SLCO5A1: variants seen among roughly 807,000 people sequenced by gnomAD.
The protein encoded by SLCO5A1 is organic anion transporter polypeptide-related protein 4.
Under a neutral mutation model 65.1 loss-of-function variants are expected in SLCO5A1, and 39 were observed. That is an observed-to-expected ratio of 0.60 (90% CI 0.46 to 0.78). The LOEUF (loss-of-function observed/expected upper bound fraction) is 0.78, where lower values mean the gene tolerates loss of function less well. Ranked by LOEUF, SLCO5A1 falls within the 30% of genes least tolerant of loss-of-function variation. The probability of loss-of-function intolerance (pLI) is 0.00; values close to 1 mark genes in which losing one functional copy is unlikely to be tolerated. For synonymous variants in SLCO5A1, 438 were observed against 415.7 expected, an observed-to-expected ratio of 1.05 and a Z score of -0.65; for missense variants, 1,029 against 1,069.4, an observed-to-expected ratio of 0.96 and a Z score of 0.53.
chr8:69,812,551 C>T (rs1235746473), intron 2 of SLCO5A1, among the ~76,000 whole-genome samples: 2 of 152,088 alleles, frequency 1.3e-5, no homozygotes, highest in Non-Finnish European at 2.9e-5. Context: ...AATAAGTGCC[C>T]CACCAGAATC....
chr8:69,746,274 A>G (rs981269251), intron 4 of SLCO5A1, among the ~76,000 whole-genome samples: 2 of 152,208 alleles, frequency 1.3e-5, no homozygotes, highest in Non-Finnish European at 2.9e-5. Context: ...ATTGCCAGGC[A>G]TTTATCTCAA....
intron 5 of SLCO5A1, among the ~76,000 whole-genome samples, chr8:69,711,867 A>C (rs573135443): frequency 2.0e-5 from 3 of 149,762 alleles, no homozygotes; most frequent in East Asian, 3.9e-4. Context: ...CATCATCATC[A>C]TCATTTTAAC....
intron 3 of SLCO5A1, among the ~76,000 whole-genome samples, chr8:69,756,033 A>C (rs1817528788): frequency 6.7e-6 from 1 of 150,332 alleles, no homozygotes; most frequent in Admixed American, 6.6e-5. Flanking sequence ...GGACCAATAT[A>C]GACTTTTTTT....
intron 9 of SLCO5A1, among the ~76,000 whole-genome samples, chr8:69,675,379 G>A (rs990900130): frequency 2.0e-5 from 3 of 151,862 alleles, no homozygotes; most frequent in South Asian, 2.1e-4. Context: ...GTTTCGTCAC[G>A]TTGGCCAGGC....
At chr8:69,700,114 G>A (rs757959393) in intron 6 of SLCO5A1, 3 of 152,154 alleles carry the variant, frequency 2.0e-5, no homozygotes, top group Non-Finnish European at 2.9e-5. Context: ...AAAGATGACA[G>A]CCAAAATAAA....
intron 5 of SLCO5A1, among the ~76,000 whole-genome samples, chr8:69,712,808 A>G (rs1025470705): frequency 1.3e-5 from 2 of 152,184 alleles, no homozygotes; most frequent in African/African-American, 4.8e-5. Flanking sequence ...TTCATTTTGA[A>G]CTTATTATAT....
At chr8:69,792,889 A>C (rs967983643) in intron 2 of SLCO5A1, among the ~76,000 whole-genome samples, 4 of 152,182 alleles carry the variant, frequency 2.6e-5, no homozygotes, top group Non-Finnish European at 5.9e-5. Context: ...TCTTTGGAAA[A>C]AAAATCATAG....
chr8:69,758,243 G>C (rs534676448), intron 3 of SLCO5A1, among the ~76,000 whole-genome samples: 5 of 152,208 alleles, frequency 3.3e-5, no homozygotes, highest in African/African-American at 1.2e-4. Flanking sequence ...CTGGAGTGCA[G>C]TGGCACGATC....
chr8:69,778,891 G>A (rs1046179108), intron 2 of SLCO5A1, among the ~76,000 whole-genome samples: 3 of 152,134 alleles, frequency 2.0e-5, no homozygotes, highest in Non-Finnish European at 4.4e-5. Flanking sequence ...TTTTCTATAA[G>A]ATTGATCTGC....
chr8:69,801,441 G>A (rs1819733195), intron 2 of SLCO5A1, among the ~76,000 whole-genome samples: 1 of 152,172 alleles, frequency 6.6e-6, no homozygotes, highest in African/African-American at 2.4e-5. Context: ...TTTCACCTGT[G>A]ATGAGACTTA....
chr8:69,820,718 G>A (rs150395422), intron 2 of SLCO5A1, among the ~76,000 whole-genome samples: 335 of 151,836 alleles, frequency 2.2e-3, no homozygotes, highest in African/African-American at 6.5e-3. Context: ...ATATTTTTCC[G>A]TACAATATTT....
intron 2 of SLCO5A1, among the ~76,000 whole-genome samples, chr8:69,830,812 C>T (rs947594524): frequency 7.9e-5 from 12 of 152,156 alleles, no homozygotes; most frequent in African/African-American, 2.9e-4. Flanking sequence ...CCCACAGCCA[C>T]GGCTTTTCAG....
At chr8:69,809,001 G>A (rs1820121352) in intron 2 of SLCO5A1, among the ~76,000 whole-genome samples, 1 of 152,166 alleles carries the variant, frequency 6.6e-6, no homozygotes, top group Non-Finnish European at 1.5e-5. Flanking sequence ...CTACTCGGGA[G>A]GCTGAGGCAG....
chr8:69,693,853 A>G (rs959724406), intron 6 of SLCO5A1, among the ~76,000 whole-genome samples: 5 of 152,218 alleles, frequency 3.3e-5, no homozygotes, highest in African/African-American at 4.8e-5. Flanking sequence ...CAATCCTCAC[A>G]TCAATCCGAC....
chr8:69,776,359 G>A (rs943309911), intron 2 of SLCO5A1, among the ~76,000 whole-genome samples: 12 of 152,014 alleles, frequency 7.9e-5, no homozygotes, highest in Non-Finnish European at 1.6e-4. Flanking sequence ...GAAAATGAAG[G>A]ATACAAAATT....
At chr8:69,820,580 C>A (rs773336828) in intron 2 of SLCO5A1, among the ~76,000 whole-genome samples, 4 of 152,086 alleles carry the variant, frequency 2.6e-5, no homozygotes, top group Non-Finnish European at 5.9e-5. Context: ...CACTTGTAAT[C>A]CCATCACTTT....
chr8:69,806,635 A>G (rs1820002472), intron 2 of SLCO5A1, among the ~76,000 whole-genome samples: 1 of 152,238 alleles, frequency 6.6e-6, no homozygotes, highest in Non-Finnish European at 1.5e-5. Flanking sequence ...TCAGGCTTCC[A>G]GATCCACCTC....
chr8:69,824,546 G>C (rs970185020), intron 2 of SLCO5A1, among the ~76,000 whole-genome samples: 10 of 152,216 alleles, frequency 6.6e-5, no homozygotes, highest in African/African-American at 1.7e-4. Flanking sequence ...ATAAATTCCT[G>C]GACACATACA....
At chr8:69,763,268 C>T (rs1333914321) in intron 2 of SLCO5A1, among the ~76,000 whole-genome samples, 5 of 151,804 alleles carry the variant, frequency 3.3e-5, no homozygotes, top group Admixed American at 1.3e-4. Context: ...AAGATAACGC[C>T]ATCGCGCTCC....
Sources: allele counts gnomAD v4.1 joint callset (sites outside exome capture counted in the v4.1 genomes callset), GRCh38; gene constraint gnomAD v4.1.1; transcripts MANE v1.5; gene names NCBI Gene and HGNC (gene_info 2026-07-23, HGNC 2026-07-21).